The following CIROZ variants were observed in gnomAD, a reference collection of about 807,000 sequenced individuals.
CIROZ encodes ciliated left-right organizer ZP-N domains-containing protein.
At chr1:10,952,717 G>A in the CIROZ span, among the ~76,000 whole-genome samples, 1 of 152,152 alleles carries the variant, frequency 6.6e-6, no homozygotes, top group East Asian at 1.9e-4. Flanking sequence ...TCGCCATGTT[G>A]GCCAGGCTGA....
At chr1:10,976,305 G>T in the CIROZ span, 2 of 1,175,964 alleles carry the variant, frequency 1.7e-6, no homozygotes, top group Non-Finnish European at 2.4e-6. Flanking sequence ...CCCAGCTGCT[G>T]CCTCATCTAC....
At chr1:10,963,252 G>A in the CIROZ span, among the ~76,000 whole-genome samples, 534 of 152,184 alleles carry the variant, frequency 3.5e-3, 7 homozygotes, top group African/African-American at 0.012. Flanking sequence ...AGCAGGGCAT[G>A]GTGGCACACA....
chr1:10,959,037 A>G, the CIROZ span, among the ~76,000 whole-genome samples: 1 of 152,202 alleles, frequency 6.6e-6, no homozygotes, highest in African/African-American at 2.4e-5. This position sits in a 1 kb window ranked among gnomAD's most constrained non-coding sequence, Gnocchi z 4.3. Flanking sequence ...GCGGGTGTGC[A>G]TGGGACCAAC....
chr1:10,956,385 C>G, the CIROZ span, among the ~76,000 whole-genome samples: 1 of 152,288 alleles, frequency 6.6e-6, no homozygotes, highest in East Asian at 1.9e-4. Flanking sequence ...CAGGCTCTCT[C>G]CCGTCTCTGT....
the CIROZ span, chr1:10,947,610 A>C: frequency 7.3e-7 from 1 of 1,362,462 alleles, no homozygotes; most frequent in Non-Finnish European, 9.6e-7. Flanking sequence ...CACCCTTTGC[A>C]CTCTACCTCC....
At chr1:10,953,343 T>C in the CIROZ span, among the ~76,000 whole-genome samples, 1 of 152,242 alleles carries the variant, frequency 6.6e-6, no homozygotes, top group Non-Finnish European at 1.5e-5. Flanking sequence ...TTCCTTGTGC[T>C]GTATTTCAAT....
chr1:10,971,679 C>T, the CIROZ span, among the ~76,000 whole-genome samples: 2 of 152,086 alleles, frequency 1.3e-5, no homozygotes, highest in African/African-American at 4.8e-5. Context: ...AATATGTTAC[C>T]TAGTTGTTTG....
chr1:10,958,000 T>C, the CIROZ span, among the ~76,000 whole-genome samples: 1 of 152,186 alleles, frequency 6.6e-6, no homozygotes, highest in Non-Finnish European at 1.5e-5. Context: ...ACAACGCAAC[T>C]GAAAGAACGA....
the CIROZ span, chr1:10,947,614 T>C: frequency 7.3e-7 from 1 of 1,377,176 alleles, no homozygotes; most frequent in Non-Finnish European, 9.5e-7. Context: ...CTTTGCACTC[T>C]ACCTCCCCAG....
chr1:10,968,920 T>G, the CIROZ span, among the ~76,000 whole-genome samples: 7 of 152,384 alleles, frequency 4.6e-5, no homozygotes, highest in African/African-American at 7.2e-5. Flanking sequence ...GTTTTAAGAC[T>G]ATTAATCTAT....
chr1:10,947,095 C>T, the CIROZ span, among the ~76,000 whole-genome samples: 6 of 152,230 alleles, frequency 3.9e-5, no homozygotes, highest in South Asian at 6.2e-4. Flanking sequence ...CTCAACAGCC[C>T]CATCGGGAGG....
chr1:10,958,037 C>A, the CIROZ span, among the ~76,000 whole-genome samples: 8 of 152,352 alleles, frequency 5.3e-5, no homozygotes, highest in South Asian at 1.7e-3. Flanking sequence ...AACAGCAATG[C>A]CAACCAGTCG....
chr1:10,964,439 G>A, the CIROZ span, among the ~76,000 whole-genome samples: 6 of 152,204 alleles, frequency 3.9e-5, no homozygotes, highest in African/African-American at 9.7e-5. Flanking sequence ...ACACCAACAC[G>A]GAGCTTGGGT....
At chr1:10,956,270 A>T in the CIROZ span, among the ~76,000 whole-genome samples, 2 of 152,110 alleles carry the variant, frequency 1.3e-5, no homozygotes, top group Non-Finnish European at 2.9e-5. Context: ...ACCCAGGGCA[A>T]CGGTGTCACT....
chr1:10,970,134 G>C, the CIROZ span: 3 of 1,414,160 alleles, frequency 2.1e-6, no homozygotes, highest in Admixed American at 4.8e-5. Flanking sequence ...GGAAGGGAGG[G>C]AGGAAGGAAG....
the CIROZ span, among the ~76,000 whole-genome samples, chr1:10,958,539 T>A: frequency 6.6e-6 from 1 of 152,098 alleles, no homozygotes. Context: ...AGGGCATCAG[T>A]GGGAGCTTCA....
At chr1:10,975,407 G>GAAA in the CIROZ span, among the ~76,000 whole-genome samples, 18 of 78,802 alleles carry the variant, frequency 2.3e-4, no homozygotes, top group African/African-American at 3.3e-4. Context: ...CTCTGTCTCA[G>GAAA]AAAAAAAAAA....
chr1:10,971,370 A>C, the CIROZ span, among the ~76,000 whole-genome samples: 3,687 of 151,788 alleles, frequency 0.024, 143 homozygotes, highest in African/African-American at 0.079. Context: ...AAATGAGATC[A>C]TGTCAGTCCC....
chr1:10,976,170 G>A, the CIROZ span: 1 of 1,536,818 alleles, frequency 6.5e-7, no homozygotes, highest in South Asian at 1.2e-5. Context: ...TAAAACTTCT[G>A]CTGCAGAGCT....
Sources: allele counts gnomAD v4.1 joint callset (sites outside exome capture counted in the v4.1 genomes callset), GRCh38; gene constraint gnomAD v4.1.1; non-coding constraint Gnocchi (gnomAD v3.1); transcripts MANE v1.5; gene names NCBI Gene and HGNC (gene_info 2026-07-23, HGNC 2026-07-21).